Variants in KCND2 observed in about 807,000 individuals in gnomAD.
KCND2 encodes A-type voltage-gated potassium channel KCND2.
A neutral mutation model predicts 54.4 loss-of-function variants in KCND2; 16 were observed. The observed-to-expected ratio is 0.29, with a 90% CI of 0.20 to 0.45. The LOEUF (loss-of-function observed/expected upper bound fraction) is 0.45. Among genes scored for constraint, KCND2 ranks in the 20% least tolerant of loss-of-function variants. KCND2 has a pLI of 1.00. For synonymous variants in KCND2, 317 were observed against 310.7 expected, an observed-to-expected ratio of 1.02 and a Z score of -0.21; for missense variants, 486 against 824.2, an observed-to-expected ratio of 0.59 and a Z score of 5.02.
At chr7:120,303,194 A>C (rs375920162) in intron 1 of KCND2, among the ~76,000 whole-genome samples, 5 of 152,214 alleles carry the variant, frequency 3.3e-5, no homozygotes, top group African/African-American at 1.2e-4. Flanking sequence ...ACAGAAAAGA[A>C]AGGTGAAATA....
rs759040293 is a variant in KCND2, at chr7:120,595,451, C to CA, written c.1116-137442dup. ...GGGCAACAAAGTGAGACTGTGCCAC[C>CA]AAAAAAAAAATATATATATATATAT... On this transcript the variant is annotated intron_variant, in intron 1 of 5. Transcript: ENST00000331113. Among the ~76,000 whole-genome samples, 202 of 43,648 alleles carry CA rather than the reference C, an allele frequency of 4.6e-3. 2 individuals are homozygous for CA. Among genetic ancestry groups the CA allele is most frequent in the South Asian group, 0.035 (46 of 1,310 alleles). 28.6% of individuals were successfully genotyped at this position (43,648 alleles called of 152,430 possible). A position where few individuals can be genotyped will look rare whatever the true frequency, so the allele number is the denominator to read the frequency against.
intron 1 of KCND2, among the ~76,000 whole-genome samples, chr7:120,615,892 G>A (rs1026740641): frequency 6.6e-6 from 1 of 152,154 alleles, no homozygotes; most frequent in South Asian, 2.1e-4. Context: ...TAAAAGAACC[G>A]TTTTCAGGGA....
intron 1 of KCND2, among the ~76,000 whole-genome samples, chr7:120,633,657 G>A (rs1268018410): frequency 6.6e-6 from 1 of 152,100 alleles, no homozygotes; most frequent in Non-Finnish European, 1.5e-5. Flanking sequence ...AGAAAGTTTG[G>A]TGACTTTATC....
chr7:120,597,651 T>G (rs1180254562), intron 1 of KCND2, among the ~76,000 whole-genome samples: 1 of 152,164 alleles, frequency 6.6e-6, no homozygotes, highest in Admixed American at 6.5e-5. Context: ...CAATTCTAAT[T>G]ACACCATGAC....
At chr7:120,703,602 G>A (rs1792429489) in intron 1 of KCND2, among the ~76,000 whole-genome samples, 1 of 152,122 alleles carries the variant, frequency 6.6e-6, no homozygotes, top group South Asian at 2.1e-4. Context: ...TTATTACACA[G>A]CACTAGAACC....
chr7:120,334,888 C>T (rs1190093131), intron 1 of KCND2, among the ~76,000 whole-genome samples: 2 of 151,982 alleles, frequency 1.3e-5, no homozygotes, highest in Non-Finnish European at 2.9e-5. Context: ...TTCCTTTTGC[C>T]AGTTCCTTCT....
intron 1 of KCND2, among the ~76,000 whole-genome samples, chr7:120,705,835 T>C (rs1274558966): frequency 6.6e-6 from 1 of 152,128 alleles, no homozygotes; most frequent in African/African-American, 2.4e-5. Context: ...TCCCTCTCAC[T>C]ATCTCTCTGC....
At chr7:120,335,682 T>C (rs1159334713) in intron 1 of KCND2, among the ~76,000 whole-genome samples, 1 of 151,984 alleles carries the variant, frequency 6.6e-6, no homozygotes, top group East Asian at 2.0e-4. Context: ...AGATGGGGTT[T>C]CACCGTGTTA....
intron 1 of KCND2, among the ~76,000 whole-genome samples, chr7:120,595,460 A>AAATAT (rs1418247126): frequency 1.2e-4 from 13 of 112,958 alleles, no homozygotes; most frequent in African/African-American, 4.1e-4. Context: ...CCAAAAAAAA[A>AAATAT]ATATATATAT....
At chr7:120,365,037 A>G (rs550168812) in intron 1 of KCND2, among the ~76,000 whole-genome samples, 4 of 152,164 alleles carry the variant, frequency 2.6e-5, no homozygotes, top group African/African-American at 9.6e-5. Flanking sequence ...ACAGGTATAA[A>G]CATGCATTTA....
intron 1 of KCND2, among the ~76,000 whole-genome samples, chr7:120,576,835 A>C (rs898075615): frequency 1.3e-5 from 2 of 152,170 alleles, no homozygotes; most frequent in African/African-American, 4.8e-5. Context: ...AAAATGTAAT[A>C]ATGATTTCTT....
intron 1 of KCND2, among the ~76,000 whole-genome samples, chr7:120,540,008 A>G (rs1426606854): frequency 6.6e-6 from 1 of 152,148 alleles, no homozygotes; most frequent in Non-Finnish European, 1.5e-5. Flanking sequence ...GGCAAGGGCT[A>G]GCTTACTCTT....
intron 1 of KCND2, among the ~76,000 whole-genome samples, chr7:120,599,086 T>A (rs897459843): frequency 2.0e-5 from 3 of 152,188 alleles, no homozygotes; most frequent in Non-Finnish European, 4.4e-5. Context: ...AAGATTATCA[T>A]TTTTTATTAA....
At chr7:120,586,638 T>G (rs1562880420) in intron 1 of KCND2, among the ~76,000 whole-genome samples, 1 of 152,198 alleles carries the variant, frequency 6.6e-6, no homozygotes, top group Non-Finnish European at 1.5e-5. Context: ...AAAGACACTT[T>G]ATTAGTGATT....
chr7:120,587,970 T>C (rs1792621195), intron 1 of KCND2, among the ~76,000 whole-genome samples: 1 of 152,206 alleles, frequency 6.6e-6, no homozygotes, highest in Non-Finnish European at 1.5e-5. Flanking sequence ...TACAGTATGT[T>C]ATAAATATGT....
At chr7:120,441,905 C>A (rs1801950119) in intron 1 of KCND2, among the ~76,000 whole-genome samples, 1 of 152,074 alleles carries the variant, frequency 6.6e-6, no homozygotes. Context: ...TGGCAGCCAG[C>A]TAATATCCAA....
chr7:120,342,575 T>G (rs1330702680), intron 1 of KCND2, among the ~76,000 whole-genome samples: 1 of 152,208 alleles, frequency 6.6e-6, no homozygotes, highest in Non-Finnish European at 1.5e-5. Context: ...TATTACAACA[T>G]GTATAAGGTA....
intron 1 of KCND2, among the ~76,000 whole-genome samples, chr7:120,607,287 G>C (rs1420896008): frequency 1.3e-5 from 2 of 152,008 alleles, no homozygotes; most frequent in Non-Finnish European, 2.9e-5. Flanking sequence ...ATTTTGGTCA[G>C]AGTTCTCATT....
intron 1 of KCND2, among the ~76,000 whole-genome samples, chr7:120,558,815 A>G (rs1584827762): frequency 6.6e-6 from 1 of 152,106 alleles, no homozygotes; most frequent in Non-Finnish European, 1.5e-5. Context: ...GTCTGTGTAT[A>G]CTCAACCTAG....
Sources: gnomAD v4.1 joint callset for allele counts (sites outside exome capture counted in the v4.1 genomes callset) on GRCh38, gnomAD v4.1.1 for gene constraint, MANE v1.5 for transcripts, NCBI Gene and HGNC (gene_info 2026-07-23, HGNC 2026-07-21) for gene names.